HABP4: variants seen among roughly 807,000 people sequenced by gnomAD.
HABP4 encodes the protein hyaluronan binding protein 4, also known as intracellular hyaluronan-binding protein 4.
Under a neutral mutation model 44.1 loss-of-function variants are expected in HABP4, and 32 were observed. The ratio of observed to expected loss-of-function variants is 0.73; its 90% CI spans 0.55 to 0.97. The LOEUF (loss-of-function observed/expected upper bound fraction) is 0.97. HABP4 is among the 50% of genes least tolerant of loss of function. The probability of loss-of-function intolerance (pLI) is 0.00; values close to 1 mark genes in which losing one functional copy is unlikely to be tolerated. For missense variants in HABP4, 503 were observed against 561.9 expected (o/e 0.90, Z 1.06); for synonymous variants, 216 against 218.0 (o/e 0.99, Z 0.08).
intron 4 of HABP4, among the ~76,000 whole-genome samples, chr9:96,470,242 G>A (rs893725012): frequency 1.3e-5 from 2 of 152,062 alleles, no homozygotes; most frequent in Admixed American, 6.5e-5. Flanking sequence ...CCGGGAGGTC[G>A]AGACTACAGT....
intron 4 of HABP4, 109 bp downstream of exon 4, chr9:96,465,887 C>A (rs1224529070): frequency 4.5e-6 from 3 of 672,936 alleles, no homozygotes; most frequent in African/African-American, 3.6e-5. Flanking sequence ...TACTTGTGTG[C>A]CCCTAAGTAG....
chr9:96,484,401 A>T (rs948531287), intron 5 of HABP4, 61 bp from the exon 6 acceptor site: 2 of 736,452 alleles, frequency 2.7e-6, no homozygotes, highest in Admixed American at 2.6e-5. Flanking sequence ...CTTTTTCTTT[A>T]TAAAGTAGAC....
chr9:96,460,097 T>C (rs1044815691), intron 2 of HABP4, among the ~76,000 whole-genome samples: 1 of 152,142 alleles, frequency 6.6e-6, no homozygotes, highest in Non-Finnish European at 1.5e-5. Flanking sequence ...GTTTCCCCCC[T>C]TTTTTAGTAG....
At position 96,488,694 on chromosome 9, in the gene HABP4, C is replaced by A. The variant is rs1833020179; in HGVS notation, c.1185+420C>A. On this transcript the variant is annotated intron_variant, in intron 7 of 7. Transcript: ENST00000375249. The surrounding 1 kb of genome is among the most constrained non-coding windows in gnomAD (Gnocchi z 4.6). ...GGGACCTTCCTCAACCCCTCCCCGG[C>A]TCACCTGCCTCACACCGTCCTCAGC... Among the ~76,000 whole-genome samples the A allele has an allele frequency of 6.6e-6, 1 of 152,178 alleles. No homozygotes were observed. The highest frequency in any genetic ancestry group is 1.5e-5 in the Non-Finnish European group (1 of 68,024).
At chr9:96,487,933 C>G (rs998046052) in intron 6 of HABP4, among the ~76,000 whole-genome samples, 156 bp from the exon 7 acceptor site, 1 of 152,206 alleles carries the variant, frequency 6.6e-6, no homozygotes, top group Admixed American at 6.5e-5. Context: ...CTTTGTCCAG[C>G]TCTGCAGCCC....
intron 5 of HABP4, among the ~76,000 whole-genome samples, chr9:96,481,475 G>T (rs910103636): frequency 6.6e-6 from 1 of 152,064 alleles, no homozygotes; most frequent in African/African-American, 2.4e-5. Flanking sequence ...AGGTGTGGTG[G>T]TTCAGATCTG....
At chr9:96,473,913 G>T (rs1832737075) in intron 5 of HABP4, among the ~76,000 whole-genome samples, 1 of 152,182 alleles carries the variant, frequency 6.6e-6, no homozygotes, top group African/African-American at 2.4e-5. Flanking sequence ...TCCCAGCTCT[G>T]CCACTTACTA....
At chr9:96,472,401 G>A (rs548137169) in intron 5 of HABP4, among the ~76,000 whole-genome samples, 21 of 152,124 alleles carry the variant, frequency 1.4e-4, no homozygotes, top group Admixed American at 8.5e-4. Context: ...TTCCGCCATC[G>A]TCCTCTTTCA....
chr9:96,475,710 G>T (rs1045729594), intron 5 of HABP4, among the ~76,000 whole-genome samples: 2 of 152,210 alleles, frequency 1.3e-5, no homozygotes, highest in Non-Finnish European at 2.9e-5. Context: ...GGCCCTGGAA[G>T]GTAAGAGCTG....
intron 5 of HABP4, among the ~76,000 whole-genome samples, chr9:96,474,625 C>T (rs766624867): frequency 2.1e-4 from 32 of 151,926 alleles, no homozygotes; most frequent in Non-Finnish European, 4.1e-4. Flanking sequence ...GTGACCGTGC[C>T]GAGAGATTCT....
In HABP4 at chr9:96,465,444, C is replaced by T; in HGVS notation, c.620C>T (p.Ala207Val). 6.2e-7 allele frequency: 1 copy of T among 1,612,570 alleles called. No homozygotes were observed. Among genetic ancestry groups the T allele is most frequent in the Non-Finnish European group, 8.5e-7 (1 of 1,178,568 alleles). Residue 207 changes from alanine to valine, a missense_variant, in exon 3 of 8, where the codon GCT becomes GTT. Ala to Val is a moderately conservative substitution (Grantham distance 64). Around this residue, in one of 3 missense-constraint regions of HABP4, gnomAD observed 290 missense variants for 300.5 expected, o/e 0.97. Coordinates refer to ENST00000375249, the MANE Select transcript of HABP4 (RefSeq NM_014282.4). ...GGCCCTGGGAACAGAGTTTTTGACG[C>T]TTTTGACCAGAGAGGAAAGCGAGAA... The part of the protein sequence containing the change: ...RGGPGNRVFD[A>V]FDQRGKREFE...
chr9:96,466,886 C>T (rs1040828245), intron 4 of HABP4, among the ~76,000 whole-genome samples: 2 of 151,516 alleles, frequency 1.3e-5, no homozygotes, highest in Non-Finnish European at 2.9e-5. Context: ...TTGAGGGGAT[C>T]CAGGCTTCCA....
chr9:96,468,207 C>T (rs987413981), intron 4 of HABP4, among the ~76,000 whole-genome samples: 4 of 151,892 alleles, frequency 2.6e-5, no homozygotes, highest in East Asian at 1.9e-4. Flanking sequence ...CTCAGCTTCC[C>T]GAGCAGCTAG....
intron 4 of HABP4, 130 bp from the exon 5 acceptor site, chr9:96,470,881 T>G (rs1275664447): frequency 1.2e-5 from 7 of 580,518 alleles, no homozygotes; most frequent in Non-Finnish European, 2.2e-5. Flanking sequence ...GGCGACAGAG[T>G]GAGACTCAGT....
In HABP4 at chr9:96,463,165, C is replaced by T. The variant is rs554139387; in HGVS notation, c.513-2172C>T. Among the ~76,000 whole-genome samples, 4 of 152,218 alleles carry T rather than the reference C, an allele frequency of 2.6e-5. No homozygotes were observed. The South Asian group carries it at 6.2e-4, about 24-fold the overall frequency. ...TTTGCCATGTTGCCCAAGCTAGTCTCGAACTCCTGGGCCCAAGCGATCCAA... is the reference window on the plus strand; with the variant it reads ...TTTGCCATGTTGCCCAAGCTAGTCTTGAACTCCTGGGCCCAAGCGATCCAA... On this transcript the variant is annotated intron_variant, in intron 2 of 7. Coordinates refer to ENST00000375249, the MANE Select transcript of HABP4 (RefSeq NM_014282.4).
rs999304169 is a variant in HABP4, at chr9:96,488,883, G to C, written c.1185+609G>C. On this transcript the variant is annotated intron_variant, in intron 7 of 7. Transcript: ENST00000375249. This position sits in a 1 kb window ranked among gnomAD's most constrained non-coding sequence, Gnocchi z 4.6. The stretch of plus-strand genomic sequence containing the variant: ...AGCAAAGGAGTTTCTTTTCATTGAA[G>C]CCTGATCTCCGTGTGCGGCTGTATT... Among the ~76,000 whole-genome samples the C allele has an allele frequency of 6.6e-6, 1 of 152,178 alleles. No individual in the cohort carries two copies. Among genetic ancestry groups the C allele is most frequent in the African/African-American group, 2.4e-5 (1 of 41,446 alleles).
At chr9:96,456,061 T>A (rs1011382584) in intron 1 of HABP4, among the ~76,000 whole-genome samples, 7 of 151,832 alleles carry the variant, frequency 4.6e-5, no homozygotes, top group Non-Finnish European at 7.4e-5. Flanking sequence ...TCTCAAAAAA[T>A]AAATAAATAA....
At chr9:96,489,847 C>T in intron 7 of HABP4, 135 bp from the exon 8 acceptor site, 1 of 701,278 alleles carries the variant, frequency 1.4e-6, no homozygotes, top group Non-Finnish European at 2.6e-6. Flanking sequence ...TGACCTGTGA[C>T]TCTCCCCTTC....
At chr9:96,460,998 T>C (rs1027539466) in intron 2 of HABP4, among the ~76,000 whole-genome samples, 1 of 152,234 alleles carries the variant, frequency 6.6e-6, no homozygotes, top group African/African-American at 2.4e-5. Flanking sequence ...AAATAACATT[T>C]GAGCCAAGCA....
Sources: allele counts gnomAD v4.1 joint callset (sites outside exome capture counted in the v4.1 genomes callset), GRCh38; gene constraint gnomAD v4.1.1; regional missense constraint gnomAD v4.1.1; non-coding constraint Gnocchi (gnomAD v3.1); transcripts MANE v1.5; gene names NCBI Gene and HGNC (gene_info 2026-07-23, HGNC 2026-07-21).